HS3ST3A1: variants seen among roughly 807,000 people sequenced by gnomAD.
The protein encoded by HS3ST3A1 is heparan sulfate-glucosamine 3-sulfotransferase 3A1, also known as heparan sulfate glucosamine 3-O-sulfotransferase 3A1.
A neutral mutation model predicts 25.7 loss-of-function variants in HS3ST3A1; 19 were observed. That is an observed-to-expected ratio of 0.74 (90% CI 0.52 to 1.08). The LOEUF (loss-of-function observed/expected upper bound fraction) is 1.08, where lower values mean the gene tolerates loss of function less well. Ranked by LOEUF, HS3ST3A1 falls within the 50% of genes least tolerant of loss-of-function variation. The pLI is 0.00. For synonymous variants in HS3ST3A1, 226 were observed against 278.6 expected (o/e 0.81, Z 1.88); for missense variants, 459 against 594.3 (o/e 0.77, Z 2.37).
At chr17:13,565,783 T>G (rs1038193347) in intron 1 of HS3ST3A1, among the ~76,000 whole-genome samples, 2 of 152,238 alleles carry the variant, frequency 1.3e-5, no homozygotes, top group African/African-American at 4.8e-5. Context: ...GCATGTCATT[T>G]AGTAGTTTCA....
intron 1 of HS3ST3A1, among the ~76,000 whole-genome samples, chr17:13,580,033 CA>C (rs1307232643): frequency 2.0e-5 from 3 of 150,978 alleles, no homozygotes; most frequent in South Asian, 2.1e-4. Context: ...GCAAGGCTAC[CA>C]GTTTTGCATT....
intron 1 of HS3ST3A1, among the ~76,000 whole-genome samples, chr17:13,586,694 C>T (rs1025106320): frequency 2.0e-5 from 3 of 150,408 alleles, no homozygotes; most frequent in Admixed American, 1.3e-4. Context: ...GGTGAAACCC[C>T]GTCTCTACTA....
chr17:13,530,258 T>A (rs1487962010), intron 1 of HS3ST3A1, among the ~76,000 whole-genome samples: 1 of 152,198 alleles, frequency 6.6e-6, no homozygotes, highest in Non-Finnish European at 1.5e-5. Context: ...TTATCACTAA[T>A]CATTTGAGGT....
chr17:13,563,027 AT>A (rs1907588241), intron 1 of HS3ST3A1, among the ~76,000 whole-genome samples: 1 of 151,360 alleles, frequency 6.6e-6, no homozygotes, highest in Non-Finnish European at 1.5e-5. Context: ...CCTAAACAAG[AT>A]TCCATAGATT....
At chr17:13,499,827 A>G (rs1905408219) in intron 1 of HS3ST3A1, among the ~76,000 whole-genome samples, 1 of 152,216 alleles carries the variant, frequency 6.6e-6, no homozygotes, top group Non-Finnish European at 1.5e-5. Context: ...CATTACTGTC[A>G]TTTGCAGGAT....
intron 1 of HS3ST3A1, among the ~76,000 whole-genome samples, chr17:13,532,521 AAT>A (rs1235277685): frequency 6.6e-6 from 1 of 152,094 alleles, no homozygotes; most frequent in Admixed American, 6.5e-5. Context: ...AGATGGAGGC[AAT>A]ATCGTGAGGA....
intron 1 of HS3ST3A1, among the ~76,000 whole-genome samples, chr17:13,562,039 T>C (rs1487877775): frequency 1.3e-5 from 2 of 152,026 alleles, no homozygotes; most frequent in Non-Finnish European, 2.9e-5. Flanking sequence ...ATGTCCCTTA[T>C]AAACGGTTGA....
intron 1 of HS3ST3A1, among the ~76,000 whole-genome samples, chr17:13,545,023 C>G (rs898794576): frequency 6.6e-6 from 1 of 152,158 alleles, no homozygotes; most frequent in African/African-American, 2.4e-5. Context: ...GTGGCAATCT[C>G]GGGTGAAGGA....
chr17:13,535,002 G>A (rs1390406552), intron 1 of HS3ST3A1, among the ~76,000 whole-genome samples: 1 of 150,100 alleles, frequency 6.7e-6, no homozygotes, highest in Non-Finnish European at 1.5e-5. Flanking sequence ...CAACAGCTTG[G>A]GCAACAAGAG....
chr17:13,537,639 A>G (rs1906810328), intron 1 of HS3ST3A1, among the ~76,000 whole-genome samples: 1 of 152,258 alleles, frequency 6.6e-6, no homozygotes, highest in African/African-American at 2.4e-5. Flanking sequence ...GCATACCAGC[A>G]GTGGCCAAAC....
At chr17:13,579,470 G>A (rs974155737) in intron 1 of HS3ST3A1, among the ~76,000 whole-genome samples, 25 of 151,946 alleles carry the variant, frequency 1.6e-4, no homozygotes, top group African/African-American at 6.0e-4. Context: ...GGAGGCCGAG[G>A]TGGGCAGATC....
chr17:13,586,141 C>T (rs1465278533), intron 1 of HS3ST3A1, among the ~76,000 whole-genome samples: 2 of 152,110 alleles, frequency 1.3e-5, no homozygotes, highest in African/African-American at 4.8e-5. Flanking sequence ...GCCACCACAA[C>T]CCGCCTCTGT....
At chr17:13,586,403 C>CA (rs1311773634) in intron 1 of HS3ST3A1, among the ~76,000 whole-genome samples, 3 of 151,668 alleles carry the variant, frequency 2.0e-5, no homozygotes, top group Non-Finnish European at 2.9e-5. Context: ...ACAGCAGAAC[C>CA]AGAGGGGGTC....
intron 1 of HS3ST3A1, among the ~76,000 whole-genome samples, chr17:13,560,382 C>T (rs1354165835): frequency 7.0e-6 from 1 of 141,884 alleles, no homozygotes; most frequent in Admixed American, 7.5e-5. Context: ...ACCTTTGCTT[C>T]TCTGTGTGTG....
chr17:13,504,926 G>C (rs1905610076), intron 1 of HS3ST3A1, among the ~76,000 whole-genome samples: 1 of 152,200 alleles, frequency 6.6e-6, no homozygotes, highest in Non-Finnish European at 1.5e-5. Context: ...TGTGTTTCAA[G>C]AGTGTGAACT....
chr17:13,569,582 G>A (rs967010574), intron 1 of HS3ST3A1, among the ~76,000 whole-genome samples: 10 of 152,042 alleles, frequency 6.6e-5, no homozygotes, highest in Non-Finnish European at 1.2e-4. Flanking sequence ...GGTGATTCAC[G>A]GCCAGTGTCC....
intron 1 of HS3ST3A1, among the ~76,000 whole-genome samples, chr17:13,549,173 G>C (rs1455324572): frequency 6.6e-6 from 1 of 152,178 alleles, no homozygotes; most frequent in African/African-American, 2.4e-5. Context: ...CCACTGGGAG[G>C]AACAAACAAC....
intron 1 of HS3ST3A1, among the ~76,000 whole-genome samples, chr17:13,542,082 G>C (rs9904006): frequency 0.44 from 66,694 of 151,920 alleles, 16,149 homozygotes; most frequent in African/African-American, 0.65. Flanking sequence ...AATCCCAGCA[G>C]TTTAGGAGGC....
At chr17:13,533,241 T>A (rs7210104) in intron 1 of HS3ST3A1, among the ~76,000 whole-genome samples, 132,024 of 152,054 alleles carry the variant, frequency 0.87, 57,693 homozygotes, top group African/African-American at 0.97. Context: ...TGCTGAATAG[T>A]AATTAAACTG....
Sources: allele counts gnomAD v4.1 joint callset (sites outside exome capture counted in the v4.1 genomes callset), GRCh38; gene constraint gnomAD v4.1.1; transcripts MANE v1.5; gene names NCBI Gene and HGNC (gene_info 2026-07-23, HGNC 2026-07-21).